Variants in ARPP21 observed in about 807,000 individuals in gnomAD.
The protein encoded by ARPP21 is cAMP regulated phosphoprotein 21.
A neutral mutation model predicts 113.2 loss-of-function variants in ARPP21; 69 were observed. The observed-to-expected ratio is 0.61, with a 90% CI of 0.50 to 0.74. The LOEUF is 0.74. Ranked by LOEUF, ARPP21 falls within the 30% of genes least tolerant of loss-of-function variation. The pLI is 0.00. For synonymous variants in ARPP21, 368 were observed against 375.5 expected (o/e 0.98, Z 0.23); for missense variants, 1,070 against 1,037.4 (o/e 1.03, Z -0.43).
At chr3:35,667,743 A>G (rs1349033982) in intron 1 of ARPP21, among the ~76,000 whole-genome samples, 1 of 151,812 alleles carries the variant, frequency 6.6e-6, no homozygotes, top group African/African-American at 2.4e-5. Flanking sequence ...GTTAATTTAT[A>G]ATGAAATTTT....
chr3:35,660,689 T>G (rs1707341053), intron 1 of ARPP21, among the ~76,000 whole-genome samples: 1 of 152,192 alleles, frequency 6.6e-6, no homozygotes, highest in African/African-American at 2.4e-5. Context: ...AATTATCAGA[T>G]TCTTGATGGG....
chr3:35,688,161 A>G (rs1415444332), intron 6 of ARPP21, among the ~76,000 whole-genome samples: 1 of 151,558 alleles, frequency 6.6e-6, no homozygotes, highest in Non-Finnish European at 1.5e-5. Flanking sequence ...TACAAGGAAT[A>G]AATATAAATC....
intron 19 of ARPP21, among the ~76,000 whole-genome samples, chr3:35,748,382 AAG>A (rs2151011427): frequency 1.3e-5 from 2 of 151,432 alleles, no homozygotes; most frequent in South Asian, 4.2e-4. Flanking sequence ...GAAAGAAAGA[AAG>A]AAAAAGAAAA....
chr3:35,791,704 C>A (rs1203312799), intron 19 of ARPP21, among the ~76,000 whole-genome samples: 1 of 152,002 alleles, frequency 6.6e-6, no homozygotes, highest in Non-Finnish European at 1.5e-5. Flanking sequence ...TCTTTATTAT[C>A]TATTATATGT....
chr3:35,708,576 T>C (rs1032705435), intron 10 of ARPP21, among the ~76,000 whole-genome samples: 2 of 152,248 alleles, frequency 1.3e-5, no homozygotes, highest in Non-Finnish European at 2.9e-5. Flanking sequence ...AACTAGCCAC[T>C]TCCTCTTTTT....
At chr3:35,762,126 T>TCTCACACACACACACACACA (rs1424526664) in intron 19 of ARPP21, among the ~76,000 whole-genome samples, 2 of 126,956 alleles carry the variant, frequency 1.6e-5, no homozygotes, top group African/African-American at 5.5e-5. Context: ...TCTCTCTCTC[T>TCTCACACACACACACACACA]CACACACACA....
chr3:35,794,027 A>T lies in ARPP21; in HGVS notation c.*69A>T. The stretch of plus-strand genomic sequence containing the variant: ...TTTGATGGAAGAGGAACAAGGTGGG[A>T]AAACTGGCTGAGGACTTAAGTATTC... On this transcript the variant is annotated 3_prime_UTR_variant, in exon 21 of 21. Transcript: ENST00000684406. The T allele has an allele frequency of 7.0e-7, 1 of 1,433,000 alleles. No individual in the cohort carries two copies. The highest frequency in any genetic ancestry group is 1.4e-5 in the African/African-American group (1 of 70,894). The allele number at this position is 1,433,000 out of a possible 1,614,324, so 88.8% of individuals were successfully genotyped here.
At chr3:35,729,575 C>T (rs778573616) in intron 15 of ARPP21, 39 bp downstream of exon 15, 18 of 1,517,178 alleles carry the variant, frequency 1.2e-5, no homozygotes, top group African/African-American at 2.7e-5. Context: ...ACAAGGCTTT[C>T]AGATGTTTGT....
At chr3:35,726,147 A>G (rs572678296) in intron 14 of ARPP21, among the ~76,000 whole-genome samples, 1 of 152,388 alleles carries the variant, frequency 6.6e-6, no homozygotes, top group African/African-American at 2.4e-5. Flanking sequence ...TGCATACTGT[A>G]TAAATATTTG....
In ARPP21 at chr3:35,673,857, G is replaced by T. The variant is rs1225848022; in HGVS notation, c.-212-5930G>T. The stretch of plus-strand genomic sequence containing the variant: ...CATCTTGGAGGAATGAAGAAGAAAA[G>T]AGTTCATGTCAGATATAATGATTAC... On this transcript the variant is annotated intron_variant, in intron 1 of 20. Coordinates refer to ENST00000684406, the MANE Select transcript of ARPP21 (RefSeq NM_001385562.1). 2.0e-5 allele frequency among the ~76,000 whole-genome samples: 3 copies of T among 151,896 alleles called. No individual in the cohort carries two copies. In the East Asian group the frequency reaches 5.8e-4, roughly 29 times the overall value.
At chr3:35,757,174 ACCTTAGCCTG>A (rs1231697905) in intron 19 of ARPP21, among the ~76,000 whole-genome samples, 1 of 149,404 alleles carries the variant, frequency 6.7e-6, no homozygotes, top group Non-Finnish European at 1.5e-5. Flanking sequence ...TAAGCCTCCT[ACCTTAGCCTG>A]AGTAGCTGGG....
intron 19 of ARPP21, among the ~76,000 whole-genome samples, chr3:35,776,769 A>G (rs921536624): frequency 6.6e-6 from 1 of 152,104 alleles, no homozygotes; most frequent in Non-Finnish European, 1.5e-5. Flanking sequence ...AATACAGCAG[A>G]CTGGCTGTCC....
chr3:35,745,446 A>G (rs974827118), intron 19 of ARPP21, among the ~76,000 whole-genome samples: 3 of 152,242 alleles, frequency 2.0e-5, no homozygotes, highest in African/African-American at 7.2e-5. Context: ...AAAGATGCAG[A>G]TATCTAATTA....
intron 14 of ARPP21, among the ~76,000 whole-genome samples, chr3:35,728,495 G>A (rs1479489791): frequency 6.6e-6 from 1 of 150,450 alleles, no homozygotes; most frequent in East Asian, 2.0e-4. Flanking sequence ...TGGGATTACA[G>A]GCGTGAACCA....
intron 20 of ARPP21, 139 bp from the exon 21 acceptor site, chr3:35,793,562 C>T: frequency 1.5e-6 from 1 of 647,518 alleles, no homozygotes; most frequent in Non-Finnish European, 2.8e-6. Flanking sequence ...TGTGAAACAG[C>T]CGATAAATGG....
At chr3:35,793,635 A>C (rs150459353) in intron 20 of ARPP21, 66 bp from the exon 21 acceptor site, 3 of 1,051,966 alleles carry the variant, frequency 2.9e-6, no homozygotes, top group South Asian at 1.3e-5. Context: ...TCATGACACC[A>C]TGTTGTTTAT....
rs553510204 is a variant in ARPP21, at chr3:35,683,789, C to A, written c.235C>A (p.Pro79Thr). Residue 79 changes from proline to threonine, a missense_variant, in exon 5 of 21, where the codon CCA (proline) becomes ACA (threonine). Transcript: ENST00000684406. ...LAVCEESSAR[P>T]GGESLQDQES... ...TGTCTGTGAGGAATCTTCTGCCAGA[C>A]CAGGAGGTGAAAGTCTTCAGGATCA... 6.1e-5 allele frequency: 94 copies of A among 1,545,940 alleles called. No homozygotes were observed. In the South Asian group the frequency reaches 8.6e-4, roughly 14 times the overall value.
intron 1 of ARPP21, among the ~76,000 whole-genome samples, chr3:35,668,021 A>AGAAGGAGAAGG (rs1559550492): frequency 6.7e-5 from 9 of 134,898 alleles, no homozygotes; most frequent in African/African-American, 1.9e-4. Context: ...GAAGAAGAAG[A>AGAAGGAGAAGG]AGAAGAAGAA....
At chr3:35,738,347 C>A (rs1406072066) in intron 17 of ARPP21, 29 bp downstream of exon 17, 1 of 1,483,998 alleles carries the variant, frequency 6.7e-7, no homozygotes, top group African/African-American at 1.4e-5. Flanking sequence ...ATGACTTTTT[C>A]CCCTAGGAAA....
Sources: gnomAD v4.1 joint callset for allele counts (sites outside exome capture counted in the v4.1 genomes callset) on GRCh38, gnomAD v4.1.1 for gene constraint, MANE v1.5 for transcripts, NCBI Gene and HGNC (gene_info 2026-07-23, HGNC 2026-07-21) for gene names.